Variants in CCNB2 observed in about 807,000 individuals in gnomAD.
CCNB2 encodes the protein cyclin B2.
Under a neutral mutation model 51.1 loss-of-function variants are expected in CCNB2, and 39 were observed. The observed-to-expected ratio is 0.76, with a 90% CI of 0.59 to 1.00. The LOEUF (loss-of-function observed/expected upper bound fraction) is 1.00, where lower values mean the gene tolerates loss of function less well. Among genes scored for constraint, CCNB2 ranks in the 50% least tolerant of loss-of-function variants. The pLI, the probability that CCNB2 is intolerant of heterozygous loss-of-function variation, is 0.00. For synonymous variants in CCNB2, 174 were observed against 165.5 expected (o/e 1.05, Z -0.40); for missense variants, 472 against 470.3 (o/e 1.00, Z -0.03).
chr15:59,114,706 T>C lies in CCNB2; in HGVS notation c.439-12T>C, dbSNP rs374481652. On this transcript the variant is annotated splice_polypyrimidine_tract_variant and intron_variant, in intron 4 of 8. Coordinates refer to ENST00000288207, the MANE Select transcript of CCNB2 (RefSeq NM_004701.4). ...CAAGGTCAGCTTTTTAAACTTTTGA[T>C]TCTACCCACAGGTTTTGCAGTCCAT... The C allele has an allele frequency of 6.3e-7, 1 of 1,597,406 alleles. No individual in the cohort carries two copies. The highest frequency in any genetic ancestry group is 8.6e-7 in the Non-Finnish European group (1 of 1,168,154).
intron 7 of CCNB2, among the ~76,000 whole-genome samples, chr15:59,120,475 G>A (rs1338867044): frequency 6.6e-6 from 1 of 152,140 alleles, no homozygotes; most frequent in African/African-American, 2.4e-5. Context: ...GGAAGGGAAG[G>A]AGGGAGATAG....
chr15:59,114,382 T>C (rs8039514), intron 3 of CCNB2, 62 bp from the exon 4 acceptor site: 458,120 of 1,277,600 alleles, frequency 0.36, 84,824 homozygotes, highest in African/African-American at 0.53. Flanking sequence ...TTTAAGCCAG[T>C]TGGCTCTGCA....
chr15:59,122,948 A>C (rs1207282907), intron 7 of CCNB2, among the ~76,000 whole-genome samples: 1 of 152,210 alleles, frequency 6.6e-6, no homozygotes, highest in East Asian at 1.9e-4. Flanking sequence ...GTAGTGTCTA[A>C]GTTCTCTCTG....
intron 5 of CCNB2, 136 bp downstream of exon 5, chr15:59,115,012 G>A: frequency 1.1e-6 from 1 of 902,316 alleles, no homozygotes; most frequent in South Asian, 1.8e-5. Context: ...GAACTTTGGG[G>A]ACTAAAAAGG....
intron 7 of CCNB2, among the ~76,000 whole-genome samples, chr15:59,121,910 C>T (rs893408310): frequency 1.0e-4 from 12 of 119,504 alleles, no homozygotes; most frequent in Middle Eastern, 7.0e-3. Context: ...CCAGCCTGGG[C>T]GACAGAATGA....
chr15:59,119,061 G>A (rs1402150198), intron 7 of CCNB2, among the ~76,000 whole-genome samples: 1 of 152,168 alleles, frequency 6.6e-6, no homozygotes, highest in Admixed American at 6.5e-5. Context: ...GGAATAGGGT[G>A]GAGGTTGAGG....
chr15:59,118,712 T>C (rs1169765445), intron 7 of CCNB2, among the ~76,000 whole-genome samples: 1 of 152,128 alleles, frequency 6.6e-6, no homozygotes, highest in Non-Finnish European at 1.5e-5. Context: ...GAAGAAGTTG[T>C]CTCGTGACAG....
At chr15:59,122,989 C>T (rs2079309562) in intron 7 of CCNB2, among the ~76,000 whole-genome samples, 1 of 152,184 alleles carries the variant, frequency 6.6e-6, no homozygotes, top group African/African-American at 2.4e-5. Context: ...CAGGGTTCAA[C>T]AAGAGAATCA....
intron 7 of CCNB2, among the ~76,000 whole-genome samples, chr15:59,119,319 G>A (rs1027926858): frequency 6.6e-6 from 1 of 151,970 alleles, no homozygotes; most frequent in African/African-American, 2.4e-5. Context: ...AAATTAGCTG[G>A]GTATGGTGGC....
At position 59,114,738 on chromosome 15, in the gene CCNB2, A is replaced by G; in HGVS notation, c.459A>G (p.Pro153=). Residue 153 remains proline, a synonymous_variant, in exon 5 of 9, where the codon CCA becomes CCG. Coordinates refer to ENST00000288207, the MANE Select transcript of CCNB2 (RefSeq NM_004701.4). ...CACAGGTTTTGCAGTCCATAAACCC[A>G]CATTTCTTAGATGGAAGAGATATAA... is the stretch of plus-strand genomic sequence containing the variant. ...RQLEVLQSIN[P]HFLDGRDING... is the part of the protein sequence containing the mutation. 1.2e-6 allele frequency: 2 copies of G among 1,612,492 alleles called. No individual in the cohort carries two copies. The highest frequency in any genetic ancestry group is 2.2e-5 in the East Asian group (1 of 44,810).
In CCNB2 at chr15:59,114,763, A is replaced by G. The variant is rs1293701356; in HGVS notation, c.484A>G (p.Asn162Asp). 6.2e-7 allele frequency: 1 copy of G among 1,614,066 alleles called. No homozygotes were observed. Among genetic ancestry groups the G allele is most frequent in the South Asian group, 1.1e-5 (1 of 91,082 alleles). Residue 162 changes from asparagine to aspartate, a missense_variant, in exon 5 of 9, where the codon AAT becomes GAT. Transcript: ENST00000288207. ...NPHFLDGRDI[N>D]GRMRAILVDW... ...ACATTTCTTAGATGGAAGAGATATA[A>G]ATGGACGCATGCGTGCCATCCTAGT...
At chr15:59,110,451 G>A (rs1472774015) in intron 3 of CCNB2, among the ~76,000 whole-genome samples, 1 of 152,208 alleles carries the variant, frequency 6.6e-6, no homozygotes, top group Non-Finnish European at 1.5e-5. Context: ...CCACCTTCTA[G>A]CAGGTGAGTC....
At chr15:59,105,410 C>G (rs1476605277) in intron 1 of CCNB2, 118 bp downstream of exon 1, 8 of 1,148,448 alleles carry the variant, frequency 7.0e-6, no homozygotes, top group Non-Finnish European at 8.6e-6. Context: ...TTCTCTTCTC[C>G]GGAGCTCACT....
chr15:59,116,909 G>C lies in CCNB2; in HGVS notation c.817G>C (p.Ala273Pro), dbSNP rs2079281477. The change falls in exon 6 of 9, where the codon GCA (alanine) becomes CCA (proline). Residue 273 changes from alanine (A) to proline (P), a missense_variant. By Grantham distance (27) the Ala-to-Pro change is conservative. Transcript: ENST00000288207. ...CTTGCCACTACACTTCTTAAGGCGA[G>C]CATCAAAAGCCGGGGAGGTAAGTGC... The part of the protein sequence containing the change: ...RPLPLHFLRR[A>P]SKAGEVDVEQ... 1 of 1,613,490 alleles carries C rather than the reference G, an allele frequency of 6.2e-7. No homozygotes were observed. The highest frequency in any genetic ancestry group is 1.1e-5 in the South Asian group (1 of 91,078).
chr15:59,110,937 C>T (rs1250117088), intron 3 of CCNB2, among the ~76,000 whole-genome samples: 1 of 152,090 alleles, frequency 6.6e-6, no homozygotes, highest in Non-Finnish European at 1.5e-5. Context: ...TTGAATAAAC[C>T]ATCGATTCTG....
intron 7 of CCNB2, among the ~76,000 whole-genome samples, chr15:59,121,793 G>A (rs1434923441): frequency 1.3e-5 from 2 of 151,956 alleles, no homozygotes; most frequent in African/African-American, 2.4e-5. Flanking sequence ...TTAGCTGGGC[G>A]TGGTGGCACA....
intron 8 of CCNB2, 73 bp downstream of exon 8, chr15:59,123,700 G>T (rs2899643): frequency 6.1e-5 from 44 of 726,780 alleles, no homozygotes; most frequent in Admixed American, 1.8e-4. Flanking sequence ...GGGCGGGGGG[G>T]GGCGGTGTGT....
chr15:59,117,437 G>A (rs1489344909), intron 7 of CCNB2, 69 bp downstream of exon 7: 10 of 1,488,668 alleles, frequency 6.7e-6, no homozygotes, highest in Non-Finnish European at 9.2e-6. Flanking sequence ...AAAGGCCTTA[G>A]CATTTTTACA....
At chr15:59,123,683 G>GT (rs1409364271) in intron 8 of CCNB2, 56 bp downstream of exon 8, 6 of 856,168 alleles carry the variant, frequency 7.0e-6, no homozygotes, top group Middle Eastern at 2.4e-4. Flanking sequence ...GGTTTTGTGT[G>GT]TATGTTGGGC....
Sources: gnomAD v4.1 joint callset for allele counts (sites outside exome capture counted in the v4.1 genomes callset) on GRCh38, gnomAD v4.1.1 for gene constraint, MANE v1.5 for transcripts, NCBI Gene and HGNC (gene_info 2026-07-23, HGNC 2026-07-21) for gene names.